The following KIF6 variants were observed in gnomAD, a reference collection of about 807,000 sequenced individuals.
The protein encoded by KIF6 is kinesin family member 6.
In KIF6, 106 loss-of-function variants were observed where a neutral mutation model predicts 112.7. The ratio of observed to expected loss-of-function variants is 0.94; its 90% CI spans 0.80 to 1.11. KIF6 has a LOEUF of 1.11. Among genes scored for constraint, KIF6 ranks in the 50% least tolerant of loss-of-function variants. The pLI is 0.00. For synonymous variants in KIF6, 339 were observed against 339.9 expected (o/e 1.00, Z 0.03); for missense variants, 929 against 964.0 (o/e 0.96, Z 0.48).
intron 12 of KIF6, among the ~76,000 whole-genome samples, chr6:39,542,191 G>A (rs945743087): frequency 4.6e-5 from 7 of 152,092 alleles, no homozygotes; most frequent in African/African-American, 1.4e-4. Context: ...ATAATGATGC[G>A]TTCTGATGTA....
In KIF6 at chr6:39,332,425, AT is replaced by A. The variant is rs1762776431; in HGVS notation, c.*4106del. On this transcript the variant is annotated 3_prime_UTR_variant, in exon 23 of 23. Transcript: ENST00000287152. ...ATTTTGAAGCTTTGTTTTGGGACTC[AT>A]TGAAGTTACTTGGAAACTTACTGGA... The A allele has an allele frequency of 1.3e-5, 2 of 152,114 alleles. No individual in the cohort carries two copies. The highest frequency in any genetic ancestry group is 4.1e-4 in the South Asian group (2 of 4,826). The allele number at this position is 152,114 out of a possible 1,614,324, so 9.4% of individuals were successfully genotyped here. A position where few individuals can be genotyped will look rare whatever the true frequency, so the allele number is the denominator to read the frequency against.
At chr6:39,347,249 G>C (rs572106854) in intron 19 of KIF6, among the ~76,000 whole-genome samples, 8 of 152,296 alleles carry the variant, frequency 5.3e-5, no homozygotes, top group African/African-American at 1.4e-4. Flanking sequence ...CAGCCACAAT[G>C]CCTTCTAACT....
chr6:39,379,760 T>A (rs1191638841), intron 16 of KIF6, among the ~76,000 whole-genome samples: 1 of 152,210 alleles, frequency 6.6e-6, no homozygotes, highest in Non-Finnish European at 1.5e-5. Flanking sequence ...GGGCAGGCAC[T>A]GGATACAGCC....
At chr6:39,618,195 A>T (rs930303040) in intron 5 of KIF6, among the ~76,000 whole-genome samples, 3 of 152,184 alleles carry the variant, frequency 2.0e-5, no homozygotes, top group Non-Finnish European at 4.4e-5. Flanking sequence ...ACCTAGACAA[A>T]ATGGGCTAAA....
At chr6:39,547,018 A>G (rs943388792) in intron 10 of KIF6, among the ~76,000 whole-genome samples, 9 of 152,234 alleles carry the variant, frequency 5.9e-5, no homozygotes, top group African/African-American at 2.2e-4. Flanking sequence ...GTTCCCCTCT[A>G]GGTTGAGATG....
At chr6:39,414,063 A>T (rs1400210254) in intron 15 of KIF6, among the ~76,000 whole-genome samples, 4 of 152,160 alleles carry the variant, frequency 2.6e-5, no homozygotes, top group Admixed American at 2.0e-4. Context: ...TATAATGTTG[A>T]CATGGAAATG....
At chr6:39,611,721 TC>T (rs1426270173) in intron 6 of KIF6, among the ~76,000 whole-genome samples, 2 of 152,196 alleles carry the variant, frequency 1.3e-5, no homozygotes, top group Non-Finnish European at 2.9e-5. Flanking sequence ...ATTCTGTATC[TC>T]CTCGTTTGCT....
At chr6:39,651,453 G>A (rs551125986) in intron 3 of KIF6, among the ~76,000 whole-genome samples, 2 of 152,314 alleles carry the variant, frequency 1.3e-5, no homozygotes, top group African/African-American at 2.4e-5. Flanking sequence ...TGGGTGCTGA[G>A]AGAAGCAGCA....
At chr6:39,643,986 G>T (rs80162794) in intron 3 of KIF6, among the ~76,000 whole-genome samples, 9,030 of 151,866 alleles carry the variant, frequency 0.059, 885 homozygotes, top group African/African-American at 0.21. Flanking sequence ...TCAATAATAA[G>T]AAGACAAACA....
chr6:39,489,015 T>A (rs1259980266), intron 13 of KIF6, among the ~76,000 whole-genome samples: 1 of 152,192 alleles, frequency 6.6e-6, no homozygotes, highest in Non-Finnish European at 1.5e-5. Flanking sequence ...GACTGTGATA[T>A]CCCTATTTTG....
chr6:39,523,022 T>G (rs1777483917), intron 13 of KIF6, among the ~76,000 whole-genome samples: 1 of 152,264 alleles, frequency 6.6e-6, no homozygotes, highest in Non-Finnish European at 1.5e-5. Context: ...TACATTCGTT[T>G]GCATAGACAT....
chr6:39,518,678 T>C (rs185626504), intron 13 of KIF6, among the ~76,000 whole-genome samples: 1 of 152,336 alleles, frequency 6.6e-6, no homozygotes, highest in East Asian at 1.9e-4. Context: ...GTACATCAGT[T>C]AGATAACTGT....
At chr6:39,492,562 T>C (rs1000592614) in intron 13 of KIF6, among the ~76,000 whole-genome samples, 4 of 152,060 alleles carry the variant, frequency 2.6e-5, no homozygotes, top group African/African-American at 9.7e-5. Flanking sequence ...TCCCAAGAAG[T>C]GGAGCTGAGT....
intron 4 of KIF6, among the ~76,000 whole-genome samples, chr6:39,638,074 G>C (rs1231752192): frequency 2.2e-4 from 34 of 151,996 alleles, no homozygotes; most frequent in Non-Finnish European, 5.0e-4. Flanking sequence ...CTTAATCATG[G>C]ATTTGGCTTC....
chr6:39,609,879 A>T (rs1783121470), intron 6 of KIF6, among the ~76,000 whole-genome samples: 1 of 152,194 alleles, frequency 6.6e-6, no homozygotes, highest in Non-Finnish European at 1.5e-5. Context: ...CATGGAAGAG[A>T]TTCTGAATCC....
At chr6:39,670,716 G>C (rs1786764159) in intron 3 of KIF6, among the ~76,000 whole-genome samples, 1 of 152,064 alleles carries the variant, frequency 6.6e-6, no homozygotes, top group African/African-American at 2.4e-5. Context: ...TTAGGGTCTG[G>C]CTCACTCAAA....
intron 16 of KIF6, 123 bp from the exon 17 acceptor site, chr6:39,362,641 T>G: frequency 1.4e-6 from 1 of 736,564 alleles, no homozygotes; most frequent in Non-Finnish European, 2.4e-6. Flanking sequence ...GAGTTCCTTC[T>G]GGGGCCTCTT....
chr6:39,674,205 A>T (rs1787000778), intron 3 of KIF6, among the ~76,000 whole-genome samples: 1 of 152,222 alleles, frequency 6.6e-6, no homozygotes, highest in South Asian at 2.1e-4. Flanking sequence ...TTAACAATAA[A>T]TTATACAGAG....
chr6:39,359,407 G>GA (rs1764955927), intron 18 of KIF6, among the ~76,000 whole-genome samples: 4 of 152,038 alleles, frequency 2.6e-5, no homozygotes, highest in Non-Finnish European at 4.4e-5. Context: ...TATGTTTTGA[G>GA]TAAAAAACTA....
Sources: gnomAD v4.1 joint callset for allele counts (sites outside exome capture counted in the v4.1 genomes callset) on GRCh38, gnomAD v4.1.1 for gene constraint, MANE v1.5 for transcripts, NCBI Gene and HGNC (gene_info 2026-07-23, HGNC 2026-07-21) for gene names.